Variants in ANK1 observed in about 807,000 individuals in gnomAD.
ANK1 encodes ankyrin 1, also known as ankyrin-1.
In ANK1, 51 loss-of-function variants were observed where a neutral mutation model predicts 210.4. That is an observed-to-expected ratio of 0.24 (90% CI 0.19 to 0.31). The LOEUF is 0.31. ANK1 is among the 10% of genes least tolerant of loss of function. The pLI is 1.00. For synonymous variants in ANK1, 967 were observed against 1,025.9 expected, an observed-to-expected ratio of 0.94 and a Z score of 1.10; for missense variants, 2,051 against 2,504.4, an observed-to-expected ratio of 0.82 and a Z score of 3.86.
At chr8:41,810,314 G>A (rs1474722025) in intron 1 of ANK1, among the ~76,000 whole-genome samples, 1 of 152,236 alleles carries the variant, frequency 6.6e-6, no homozygotes, top group African/African-American at 2.4e-5. Flanking sequence ...CAACTTAGCT[G>A]AAGAATCAGC....
At chr8:41,809,742 G>A (rs1440445868) in intron 1 of ANK1, among the ~76,000 whole-genome samples, 4 of 152,150 alleles carry the variant, frequency 2.6e-5, no homozygotes, top group Admixed American at 6.6e-5. Flanking sequence ...ACTTCAACCC[G>A]AGTGACAGAG....
Position 41,694,118 on chromosome 8 carries a change from G to A in ANK1, c.3328-16C>T, listed in dbSNP as rs1440106298. On this transcript the variant is annotated splice_polypyrimidine_tract_variant and intron_variant, in intron 28 of 42. Coordinates refer to ENST00000289734, the MANE Select transcript of ANK1 (RefSeq NM_000037.4). The surrounding 1 kb of genome is among the most constrained non-coding windows in gnomAD (Gnocchi z 5.7). ...CAGGCTGGGCCTGTGAAATGACAGA[G>A]GCAGGACACTCAGGCCCAAGCAGGA... 1.2e-6 allele frequency: 2 copies of A among 1,611,950 alleles called. No individual in the cohort carries two copies. The highest frequency in any genetic ancestry group is 8.5e-7 in the Non-Finnish European group (1 of 1,179,044).
At chr8:41,742,829 T>C (rs1835112602) in intron 2 of ANK1, among the ~76,000 whole-genome samples, 1 of 152,132 alleles carries the variant, frequency 6.6e-6, no homozygotes, top group South Asian at 2.1e-4. Flanking sequence ...CTAGATGCTT[T>C]TACCTTTACC....
intron 38 of ANK1, 52 bp from the exon 39 acceptor site, chr8:41,668,616 C>T (rs750239863): frequency 2.6e-6 from 4 of 1,554,110 alleles, no homozygotes; most frequent in African/African-American, 1.4e-5. Context: ...AGAAAAGACA[C>T]CTGGTCACCC....
intron 35 of ANK1, 37 bp from the exon 36 acceptor site, chr8:41,686,320 A>G (rs2150580521): frequency 6.2e-7 from 1 of 1,612,228 alleles, no homozygotes; most frequent in Non-Finnish European, 8.5e-7. Flanking sequence ...GTGAGCCTCC[A>G]GCTCACCAAC....
At chr8:41,691,596 C>T (rs1361746000) in intron 31 of ANK1, among the ~76,000 whole-genome samples, 2 of 152,160 alleles carry the variant, frequency 1.3e-5, no homozygotes, top group Non-Finnish European at 2.9e-5. Flanking sequence ...AGCCCCCATG[C>T]CTTCACTCTT....
upstream of ANK1, among the ~76,000 whole-genome samples, chr8:41,801,516 A>G (rs959057876): frequency 2.0e-5 from 3 of 152,342 alleles, no homozygotes; most frequent in African/African-American, 7.2e-5. Flanking sequence ...TGCAAGTTCA[A>G]CAACATTTGG....
intron 1 of ANK1, among the ~76,000 whole-genome samples, chr8:41,884,249 G>A (rs1818075534): frequency 6.6e-6 from 1 of 152,222 alleles, no homozygotes; most frequent in African/African-American, 2.4e-5. Context: ...TTGGGAGGAT[G>A]AGGCAGGAGA....
chr8:41,677,565 C>A (rs550152224), intron 37 of ANK1, among the ~76,000 whole-genome samples: 1 of 150,542 alleles, frequency 6.6e-6, no homozygotes, highest in Non-Finnish European at 1.5e-5. Flanking sequence ...GTTCTGGCTT[C>A]TGTTGTTTCT....
intron 24 of ANK1, among the ~76,000 whole-genome samples, chr8:41,697,407 G>C (rs777835082): frequency 6.6e-6 from 1 of 151,994 alleles, no homozygotes; most frequent in South Asian, 2.1e-4. Flanking sequence ...CTTTTCCCCC[G>C]GTCCAGAACG....
chr8:41,744,735 CA>C (rs1333294026), intron 2 of ANK1, among the ~76,000 whole-genome samples: 1 of 152,118 alleles, frequency 6.6e-6, no homozygotes, highest in Non-Finnish European at 1.5e-5. Flanking sequence ...CGGGGTTTCA[CA>C]GTGTTCACCA....
chr8:41,891,427 C>A (rs1238407023), intron 1 of ANK1, among the ~76,000 whole-genome samples: 1 of 152,178 alleles, frequency 6.6e-6, no homozygotes, highest in African/African-American at 2.4e-5. Context: ...TTGCTCCAGG[C>A]TCTGAATTTC....
At chr8:41,849,375 T>A (rs1353492287) in intron 1 of ANK1, among the ~76,000 whole-genome samples, 1 of 152,156 alleles carries the variant, frequency 6.6e-6, no homozygotes. Flanking sequence ...AATACAAAAA[T>A]TAGCCGGGCA....
chr8:41,776,164 G>A (rs1202704539), intron 1 of ANK1, among the ~76,000 whole-genome samples: 5 of 152,172 alleles, frequency 3.3e-5, no homozygotes, highest in Non-Finnish European at 5.9e-5. Flanking sequence ...TTTTAGGGTA[G>A]AGGGGAAAAC....
At chr8:41,689,890 C>T (rs539192178) in intron 33 of ANK1, among the ~76,000 whole-genome samples, 3 of 152,266 alleles carry the variant, frequency 2.0e-5, no homozygotes, top group South Asian at 2.1e-4. Context: ...CCAGGGACAC[C>T]GAGGCAGATG....
chr8:41,794,126 G>T (rs1848280855), intron 1 of ANK1, among the ~76,000 whole-genome samples: 1 of 152,218 alleles, frequency 6.6e-6, no homozygotes, highest in Non-Finnish European at 1.5e-5. Context: ...ATAGGCAGAA[G>T]TCAGATGGTG....
At chr8:41,834,349 A>G (rs1436689810) in intron 1 of ANK1, among the ~76,000 whole-genome samples, 1 of 152,250 alleles carries the variant, frequency 6.6e-6, no homozygotes, top group East Asian at 1.9e-4. Context: ...GCAGGAGAAG[A>G]TGAGCTTCAG....
At chr8:41,763,564 C>A (rs138626023) in intron 1 of ANK1, among the ~76,000 whole-genome samples, 2 of 152,288 alleles carry the variant, frequency 1.3e-5, no homozygotes, top group African/African-American at 4.8e-5. Context: ...CAAGGGCGTT[C>A]TTGGCCATTT....
At chr8:41,717,510 C>G (rs967587853) in intron 12 of ANK1, 94 bp downstream of exon 12, 28 of 1,184,368 alleles carry the variant, frequency 2.4e-5, no homozygotes, top group Non-Finnish European at 3.2e-5. Context: ...AATCGTAGCT[C>G]TGTCCCCAGA....
Sources: allele counts gnomAD v4.1 joint callset (sites outside exome capture counted in the v4.1 genomes callset), GRCh38; gene constraint gnomAD v4.1.1; non-coding constraint Gnocchi (gnomAD v3.1); transcripts MANE v1.5; gene names NCBI Gene and HGNC (gene_info 2026-07-23, HGNC 2026-07-21).